Variants in ANO10 observed in about 807,000 individuals in gnomAD.
ANO10 encodes the protein anoctamin-10.
ANO10 carries 77 observed loss-of-function variants against 74.7 expected under a neutral mutation model. That is an observed-to-expected ratio of 1.03 (90% CI 0.86 to 1.25). The LOEUF is 1.25. ANO10 is among the 50% of genes most tolerant of loss of function. ANO10 has a pLI of 0.00. For missense variants in ANO10, 721 were observed against 778.1 expected, an observed-to-expected ratio of 0.93 and a Z score of 0.87; for synonymous variants, 279 against 284.9, an observed-to-expected ratio of 0.98 and a Z score of 0.21.
intron 11 of ANO10, among the ~76,000 whole-genome samples, chr3:43,488,086 T>A (rs1287895615): frequency 1.3e-5 from 2 of 151,930 alleles, no homozygotes; most frequent in Non-Finnish European, 1.5e-5. Context: ...CCCTATTTAA[T>A]AAATGGTGCT....
intron 11 of ANO10, among the ~76,000 whole-genome samples, chr3:43,508,908 C>T (rs1350005974): frequency 7.2e-6 from 1 of 139,142 alleles, no homozygotes; most frequent in African/African-American, 2.7e-5. Flanking sequence ...CAAACCTGCA[C>T]GTTGTGCACA....
intron 12 of ANO10, among the ~76,000 whole-genome samples, chr3:43,397,419 C>T (rs1206696251): frequency 7.9e-5 from 12 of 151,984 alleles, no homozygotes; most frequent in East Asian, 7.7e-4. Context: ...GGGCGGGGGG[C>T]GTATATTTAT....
intron 1 of ANO10, among the ~76,000 whole-genome samples, chr3:43,681,584 G>A (rs2084201366): frequency 6.6e-6 from 1 of 152,126 alleles, no homozygotes; most frequent in South Asian, 2.1e-4. Context: ...GAACCTAATA[G>A]ACATCTACAG....
Position 43,576,764 on chromosome 3 carries a change from T to A in ANO10, c.1090A>T (p.Ile364Phe). The stretch of plus-strand genomic sequence containing the variant: ...ATCTCAATCACAATGGCATAGATGA[T>A]GCTGGGCACATACAACAGGACACTG... ...WTSVLLYVPSIIYAIVIEIMN... is the reference protein window; with the variant it reads ...WTSVLLYVPSFIYAIVIEIMN... The change falls in exon 6 of 13, where the codon ATC becomes TTC. Residue 364 changes from isoleucine (I) to phenylalanine (F), a missense_variant. Transcript: ENST00000292246. 1 of 1,614,192 alleles carries A rather than the reference T, an allele frequency of 6.2e-7. No individual in the cohort carries two copies. The highest frequency in any genetic ancestry group is 8.5e-7 in the Non-Finnish European group (1 of 1,180,028).
At chr3:43,486,172 G>C (rs112566950) in intron 11 of ANO10, among the ~76,000 whole-genome samples, 1 of 152,106 alleles carries the variant, frequency 6.6e-6, no homozygotes, top group African/African-American at 2.4e-5. Context: ...GAAAAGACAC[G>C]TTTACTATCT....
intron 11 of ANO10, among the ~76,000 whole-genome samples, chr3:43,488,817 T>C (rs2076603465): frequency 6.6e-6 from 1 of 152,202 alleles, no homozygotes; most frequent in Non-Finnish European, 1.5e-5. Context: ...ATCCCATTAC[T>C]GGGTATATAC....
intron 7 of ANO10, among the ~76,000 whole-genome samples, chr3:43,573,056 A>C (rs1191096726): frequency 6.6e-6 from 1 of 152,124 alleles, no homozygotes; most frequent in Admixed American, 6.6e-5. Flanking sequence ...AGAATAATAA[A>C]GTCTCATAAA....
chr3:43,491,340 C>T (rs9835664), intron 11 of ANO10, among the ~76,000 whole-genome samples: 75,020 of 151,848 alleles, frequency 0.49, 20,606 homozygotes, highest in East Asian at 0.83. Flanking sequence ...ATGGCGAAAC[C>T]CCATCTCTAC....
At chr3:43,435,087 A>G (rs1259823669) in intron 11 of ANO10, among the ~76,000 whole-genome samples, 1 of 152,224 alleles carries the variant, frequency 6.6e-6, no homozygotes, top group African/African-American at 2.4e-5. Context: ...AATGAATTAC[A>G]TATGCCCTGC....
At chr3:43,622,752 T>C (rs549964125), upstream of ANO10, among the ~76,000 whole-genome samples, 1 of 152,238 alleles carries the variant, frequency 6.6e-6, no homozygotes, top group East Asian at 1.9e-4. Flanking sequence ...GGCTCTCACT[T>C]TCTCCCTGAG....
At chr3:43,536,407 T>C (rs1034714276) in intron 11 of ANO10, among the ~76,000 whole-genome samples, 6 of 152,184 alleles carry the variant, frequency 3.9e-5, no homozygotes, top group African/African-American at 1.4e-4. Context: ...AGCATATTAC[T>C]TTCTACATAG....
At chr3:43,387,921 T>C (rs976852196) in intron 12 of ANO10, among the ~76,000 whole-genome samples, 13 of 151,456 alleles carry the variant, frequency 8.6e-5, no homozygotes, top group African/African-American at 2.4e-4. Flanking sequence ...GGTTTACATA[T>C]ACTAAGGCGA....
At chr3:43,614,679 G>A (rs1367976449) in intron 1 of ANO10, among the ~76,000 whole-genome samples, 2 of 147,976 alleles carry the variant, frequency 1.4e-5, no homozygotes, top group Admixed American at 6.8e-5. Flanking sequence ...AAGCAGAGAG[G>A]CAGCAAGAAA....
intron 11 of ANO10, among the ~76,000 whole-genome samples, chr3:43,515,832 G>A (rs2077688057): frequency 6.6e-6 from 1 of 152,028 alleles, no homozygotes; most frequent in South Asian, 2.1e-4. Flanking sequence ...CCCCAGCCTG[G>A]GGCAAGGTTT....
intron 11 of ANO10, among the ~76,000 whole-genome samples, chr3:43,513,979 A>C (rs549309455): frequency 1.0e-4 from 15 of 150,326 alleles, no homozygotes; most frequent in Non-Finnish European, 1.6e-4. Context: ...CTGTTTTTCT[A>C]TTTTTGCTTG....
At chr3:43,538,369 T>C (rs1048616785) in intron 11 of ANO10, among the ~76,000 whole-genome samples, 1 of 152,232 alleles carries the variant, frequency 6.6e-6, no homozygotes, top group African/African-American at 2.4e-5. Flanking sequence ...ATGATCTTGC[T>C]TGTGAGTCCA....
At chr3:43,392,555 A>G (rs1432595725) in intron 12 of ANO10, among the ~76,000 whole-genome samples, 1 of 152,204 alleles carries the variant, frequency 6.6e-6, no homozygotes, top group Non-Finnish European at 1.5e-5. Flanking sequence ...GAACCAGGCT[A>G]TTTAGGTTGT....
chr3:43,567,472 A>C (rs1218765155), intron 7 of ANO10, among the ~76,000 whole-genome samples: 1 of 152,248 alleles, frequency 6.6e-6, no homozygotes, highest in East Asian at 1.9e-4. Flanking sequence ...CCATCAGACT[A>C]ACAGCAGATC....
In ANO10 at chr3:43,388,703, T is replaced by C. The variant is rs918406684; in HGVS notation, c.1915-21729A>G. ...AGACCAATATTACCAAACTTAGATA[T>C]GTTACTGAAAAAAACTAATGTTTCT... On this transcript the variant is annotated intron_variant, in intron 12 of 12. Transcript: ENST00000292246. Among the ~76,000 whole-genome samples the C allele has an allele frequency of 1.3e-5, 2 of 152,190 alleles. 1 individual carries two copies. The highest frequency in any genetic ancestry group is 3.8e-4 in the East Asian group (2 of 5,200).
Sources: gnomAD v4.1 joint callset for allele counts (sites outside exome capture counted in the v4.1 genomes callset) on GRCh38, gnomAD v4.1.1 for gene constraint, MANE v1.5 for transcripts, NCBI Gene and HGNC (gene_info 2026-07-23, HGNC 2026-07-21) for gene names.